The following TBC1D12 variants were observed in gnomAD, a reference collection of about 807,000 sequenced individuals.
The protein encoded by TBC1D12 is TBC1 domain family, member 12.
In TBC1D12, 56 loss-of-function variants were observed where a neutral mutation model predicts 86.7. That is an observed-to-expected ratio of 0.65 (90% CI 0.52 to 0.81). The LOEUF is 0.81. TBC1D12 is among the 30% of genes least tolerant of loss of function. The pLI is 0.00. For missense variants in TBC1D12, 1,023 were observed against 1,038.8 expected, an observed-to-expected ratio of 0.98 and a Z score of 0.21; for synonymous variants, 421 against 411.7, an observed-to-expected ratio of 1.02 and a Z score of -0.27.
At chr10:94,447,519 G>A (rs561559678) in intron 2 of TBC1D12, 11 of 728,234 alleles carry the variant, frequency 1.5e-5, no homozygotes, top group Non-Finnish European at 1.8e-5. Context: ...CATAAAAAAC[G>A]TTTTAGGATT....
chr10:94,505,807 A>G (rs995820970), intron 6 of TBC1D12, among the ~76,000 whole-genome samples: 1 of 152,218 alleles, frequency 6.6e-6, no homozygotes, highest in African/African-American at 2.4e-5. Context: ...TAAAAGAAAC[A>G]AAAGCAAATC....
At chr10:94,499,069 G>A (rs2056361131) in intron 5 of TBC1D12, among the ~76,000 whole-genome samples, 1 of 152,096 alleles carries the variant, frequency 6.6e-6, no homozygotes, top group South Asian at 2.1e-4. Context: ...CCTGCCTGGT[G>A]CAATGTGTTG....
At chr10:94,431,748 TGG>T (rs1320438945) in intron 1 of TBC1D12, among the ~76,000 whole-genome samples, 1 of 152,184 alleles carries the variant, frequency 6.6e-6, no homozygotes, top group Non-Finnish European at 1.5e-5. Flanking sequence ...CCTGTGGGGA[TGG>T]GGAGCAGAGA....
intron 2 of TBC1D12, among the ~76,000 whole-genome samples, chr10:94,472,481 GCTGT>G (rs2055923241): frequency 6.6e-6 from 1 of 152,134 alleles, no homozygotes; most frequent in Non-Finnish European, 1.5e-5. Flanking sequence ...GTTTGATTTT[GCTGT>G]CTATGTGCTT....
At position 94,403,425 on chromosome 10, in the gene TBC1D12, T is replaced by C; in HGVS notation, c.812T>C (p.Phe271Ser). The C allele has an allele frequency of 6.5e-7, 1 of 1,549,898 alleles. No individual in the cohort carries two copies. The highest frequency in any genetic ancestry group is 8.7e-7 in the Non-Finnish European group (1 of 1,147,840). Residue 271 changes from phenylalanine (F) to serine (S), a missense_variant, in exon 1 of 13, where the codon TTC (phenylalanine) becomes TCC (serine). By Grantham distance (155) the Phe-to-Ser change is radical. Transcript: ENST00000225235. ...CGCCTGGGCTTTTCTGACATTCACT[T>C]CAACTCTCGCAACACGTTCCAGGTG... ...EPRLGFSDIH[F>S]NSRNTFQVSR...
At chr10:94,403,633 G>C in intron 1 of TBC1D12, 49 bp downstream of exon 1, 2 of 1,408,042 alleles carry the variant, frequency 1.4e-6, no homozygotes, top group Non-Finnish European at 1.8e-6. Context: ...GGCCGGGGCC[G>C]GAGCCGGGGT....
chr10:94,515,764 C>A (rs79146666), intron 9 of TBC1D12, among the ~76,000 whole-genome samples: 1,573 of 152,256 alleles, frequency 0.01, 25 homozygotes, highest in East Asian at 0.059. Context: ...CACAATAAGA[C>A]ATAAACAGCA....
intron 1 of TBC1D12, among the ~76,000 whole-genome samples, chr10:94,422,723 G>A (rs556505742): frequency 2.0e-5 from 3 of 151,988 alleles, no homozygotes; most frequent in East Asian, 1.9e-4. Flanking sequence ...TACAGGTACC[G>A]TGCTTGGCTA....
At chr10:94,409,000 C>T (rs972225149) in intron 1 of TBC1D12, among the ~76,000 whole-genome samples, 1 of 152,108 alleles carries the variant, frequency 6.6e-6, no homozygotes, top group African/African-American at 2.4e-5. Flanking sequence ...ATTAATTGCT[C>T]TAGAATAAAC....
At chr10:94,448,172 C>T (rs1388790059) in intron 2 of TBC1D12, among the ~76,000 whole-genome samples, 1 of 152,070 alleles carries the variant, frequency 6.6e-6, no homozygotes, top group Non-Finnish European at 1.5e-5. Flanking sequence ...GATCACTTTC[C>T]TCAGTTAAGG....
At chr10:94,464,312 T>G (rs1443271789) in intron 2 of TBC1D12, among the ~76,000 whole-genome samples, 2 of 152,224 alleles carry the variant, frequency 1.3e-5, no homozygotes, top group African/African-American at 4.8e-5. Context: ...TCTTTCACTT[T>G]TTTTTTCTCC....
intron 6 of TBC1D12, among the ~76,000 whole-genome samples, chr10:94,503,657 C>T (rs1374750916): frequency 6.6e-6 from 1 of 152,026 alleles, no homozygotes; most frequent in African/African-American, 2.4e-5. Flanking sequence ...TGGAGTCTTG[C>T]TCTGTCGCTG....
intron 9 of TBC1D12, among the ~76,000 whole-genome samples, chr10:94,518,992 T>C (rs994900705): frequency 1.3e-5 from 2 of 152,134 alleles, no homozygotes; most frequent in Non-Finnish European, 2.9e-5. Flanking sequence ...GGAGAATCAC[T>C]TTAACCTGGG....
intron 3 of TBC1D12, among the ~76,000 whole-genome samples, chr10:94,492,784 G>A (rs1402320150): frequency 6.6e-6 from 1 of 152,072 alleles, no homozygotes; most frequent in African/African-American, 2.4e-5. Flanking sequence ...TGGAATGATG[G>A]GAATGTTCTA....
intron 9 of TBC1D12, among the ~76,000 whole-genome samples, chr10:94,518,211 C>A (rs1274968732): frequency 6.6e-6 from 1 of 151,356 alleles, no homozygotes; most frequent in Non-Finnish European, 1.5e-5. Flanking sequence ...TCTTTTTTTT[C>A]TTTTCTTTTT....
At chr10:94,491,709 A>T (rs867875181) in intron 3 of TBC1D12, among the ~76,000 whole-genome samples, 3 of 152,136 alleles carry the variant, frequency 2.0e-5, no homozygotes, top group Non-Finnish European at 4.4e-5. Flanking sequence ...CACTATATAC[A>T]CTACCCATCT....
At chr10:94,478,575 G>C (rs189967263) in intron 3 of TBC1D12, among the ~76,000 whole-genome samples, 40 of 152,256 alleles carry the variant, frequency 2.6e-4, no homozygotes, top group African/African-American at 9.1e-4. Flanking sequence ...GGCCATGGTG[G>C]TGTGCACCTG....
chr10:94,504,043 TAC>T (rs1484167114), intron 6 of TBC1D12, among the ~76,000 whole-genome samples: 1 of 152,256 alleles, frequency 6.6e-6, no homozygotes, highest in Non-Finnish European at 1.5e-5. Flanking sequence ...TCTCCAAATA[TAC>T]ACAGAGATTA....
At chr10:94,439,514 G>A (rs2055350079) in intron 1 of TBC1D12, among the ~76,000 whole-genome samples, 1 of 152,132 alleles carries the variant, frequency 6.6e-6, no homozygotes, top group Non-Finnish European at 1.5e-5. Flanking sequence ...CCATCTCCAG[G>A]TTGAGGCTGC....
Sources: gnomAD v4.1 joint callset for allele counts (sites outside exome capture counted in the v4.1 genomes callset) on GRCh38, gnomAD v4.1.1 for gene constraint, MANE v1.5 for transcripts, NCBI Gene and HGNC (gene_info 2026-07-23, HGNC 2026-07-21) for gene names.